TYW1B: variants seen among roughly 807,000 people sequenced by gnomAD.
TYW1B encodes the protein tRNA-yW synthesizing protein 1 homolog B, also known as S-adenosyl-L-methionine-dependent tRNA 4-demethylwyosine synthase TYW1B.
Under a neutral mutation model 86.9 loss-of-function variants are expected in TYW1B, and 73 were observed. That is an observed-to-expected ratio of 0.84 (90% CI 0.70 to 1.02). The LOEUF is 1.02. Ranked by LOEUF, TYW1B falls within the 50% of genes least tolerant of loss-of-function variation. TYW1B has a pLI of 0.00. For missense variants in TYW1B, 637 were observed against 827.4 expected, an observed-to-expected ratio of 0.77 and a Z score of 2.82; for synonymous variants, 248 against 292.8, an observed-to-expected ratio of 0.85 and a Z score of 1.56.
At chr7:72,801,636 T>TA (rs1788404959) in intron 6 of TYW1B, among the ~76,000 whole-genome samples, 1 of 152,176 alleles carries the variant, frequency 6.6e-6, no homozygotes, top group Non-Finnish European at 1.5e-5. Context: ...CTGTTATTTT[T>TA]ATAGTATAGT....
intron 3 of TYW1B, among the ~76,000 whole-genome samples, chr7:72,813,153 C>T (rs1788653542): frequency 6.6e-6 from 1 of 151,550 alleles, no homozygotes; most frequent in Admixed American, 6.6e-5. Context: ...TTGTCAACCC[C>T]AGCTCTACAT....
At chr7:72,702,625 G>T (rs182118758) in intron 10 of TYW1B, among the ~76,000 whole-genome samples, 45 of 152,072 alleles carry the variant, frequency 3.0e-4, no homozygotes, top group African/African-American at 9.6e-4. Context: ...GACCTCAAAT[G>T]ATCCGCCCAC....
chr7:72,700,450 G>A (rs1814438542), intron 10 of TYW1B, among the ~76,000 whole-genome samples: 1 of 152,002 alleles, frequency 6.6e-6, no homozygotes, highest in Non-Finnish European at 1.5e-5. Flanking sequence ...TGGGATTACG[G>A]GTGTAAGCCA....
intron 8 of TYW1B, among the ~76,000 whole-genome samples, chr7:72,731,918 C>A (rs1787119564): frequency 6.6e-6 from 1 of 151,918 alleles, no homozygotes; most frequent in African/African-American, 2.4e-5. Context: ...CCAGCCTGGG[C>A]AACAGAGCAG....
In TYW1B at chr7:72,592,930, A is replaced by C. The variant is rs1192323714; in HGVS notation, c.1786-17211T>G. Among the ~76,000 whole-genome samples, 4 of 152,234 alleles carry C rather than the reference A, an allele frequency of 2.6e-5. No homozygotes were observed. The South Asian group carries it at 8.3e-4, about 32-fold the overall frequency. ...TGATATAATTGAAAGGAGAAATGAC[A>C]ATTCTACAACAATACTCAGAGACTT... is the stretch of plus-strand genomic sequence containing the variant. On this transcript the variant is annotated intron_variant, in intron 13 of 13. Coordinates refer to ENST00000620995, the MANE Select transcript of TYW1B (RefSeq NM_001145440.3).
chr7:72,805,131 C>T (rs2129572558), intron 5 of TYW1B, among the ~76,000 whole-genome samples: 1 of 151,618 alleles, frequency 6.6e-6, no homozygotes, highest in South Asian at 2.1e-4. Context: ...ACAAAGATGC[C>T]AATCCAGTAA....
chr7:72,581,165 G>A (rs1349010157), intron 13 of TYW1B, among the ~76,000 whole-genome samples: 2 of 122,658 alleles, frequency 1.6e-5, no homozygotes, highest in Non-Finnish European at 3.3e-5. Context: ...TCCATGCCCC[G>A]ACAGATGCTT....
At chr7:72,691,025 A>T (rs1814143739) in intron 11 of TYW1B, among the ~76,000 whole-genome samples, 1 of 152,142 alleles carries the variant, frequency 6.6e-6, no homozygotes, top group Non-Finnish European at 1.5e-5. Flanking sequence ...AGTGCTGGGA[A>T]TACCGGCGTG....
At chr7:72,578,337 G>A (rs1314427223) in intron 13 of TYW1B, among the ~76,000 whole-genome samples, 3 of 151,950 alleles carry the variant, frequency 2.0e-5, no homozygotes, top group African/African-American at 4.8e-5. Context: ...GGATGGTCTC[G>A]ATCTCCTGAC....
In TYW1B at chr7:72,703,017, TATATA is replaced by T. The variant is rs1474473805; in HGVS notation, c.1371-8200_1371-8196del. ...ATATATATATATATATATATATATA[TATATA>T]TATATTTTTTTTTTTTTTTTGAGAT... On this transcript the variant is annotated intron_variant, in intron 10 of 13. Transcript: ENST00000620995. Among the ~76,000 whole-genome samples the T allele has an allele frequency of 1.4e-3, 102 of 73,374 alleles. 4 individuals carry two copies. Among genetic ancestry groups the T allele is most frequent in the African/African-American group, 2.0e-3 (30 of 14,830 alleles). The allele number at this position is 73,374 out of a possible 152,430, so 48.1% of individuals were successfully genotyped here.
intron 12 of TYW1B, among the ~76,000 whole-genome samples, chr7:72,618,250 T>C (rs1425489341): frequency 2.0e-5 from 3 of 149,272 alleles, no homozygotes; most frequent in African/African-American, 7.4e-5. Context: ...TTTTTTTTTT[T>C]TTGTTGCCCA....
intron 2 of TYW1B, among the ~76,000 whole-genome samples, chr7:72,822,606 A>G (rs1347060699): frequency 2.0e-5 from 3 of 152,250 alleles, no homozygotes; most frequent in Non-Finnish European, 4.4e-5. Context: ...ATAGTCTTCT[A>G]TACATGACCA....
chr7:72,592,163 A>AAAAAG (rs1811412045), intron 13 of TYW1B, among the ~76,000 whole-genome samples: 1 of 116,876 alleles, frequency 8.6e-6, no homozygotes, highest in African/African-American at 3.3e-5. Context: ...AATGTGTTAA[A>AAAAAG]AAAAAAAAAA....
intron 9 of TYW1B, among the ~76,000 whole-genome samples, chr7:72,725,978 C>A (rs2961002): frequency 6.6e-6 from 1 of 152,104 alleles, no homozygotes; most frequent in Non-Finnish European, 1.5e-5. Flanking sequence ...AAGGAAAATA[C>A]GACTTTGCCT....
rs548197243 is a variant in TYW1B at position 72,760,007 on chromosome 7, A to C, written c.965-15406T>G. Reference sequence around the variant, plus strand: ...TAAAAAGTATGTCTGTCCAGCATATACACACAAAAAAAATCTTGCTTTTTC... The same window carrying C: ...TAAAAAGTATGTCTGTCCAGCATATCCACACAAAAAAAATCTTGCTTTTTC... On this transcript the variant is annotated intron_variant, in intron 7 of 13. Coordinates refer to ENST00000620995, the MANE Select transcript of TYW1B (RefSeq NM_001145440.3). Among the ~76,000 whole-genome samples the C allele has an allele frequency of 4.1e-3, 628 of 151,960 alleles. 3 individuals are homozygous for C. Among genetic ancestry groups the C allele is most frequent in the African/African-American group, 0.014 (595 of 41,222 alleles).
intron 13 of TYW1B, among the ~76,000 whole-genome samples, chr7:72,588,004 G>A (rs1362012198): frequency 3.9e-5 from 6 of 152,236 alleles, no homozygotes; most frequent in Non-Finnish European, 8.8e-5. Context: ...TGTTCTTGCC[G>A]GTTGTAGCTA....
chr7:72,694,294 C>CTG (rs1299943060), intron 11 of TYW1B, among the ~76,000 whole-genome samples: 1 of 152,134 alleles, frequency 6.6e-6, no homozygotes, highest in African/African-American at 2.4e-5. Context: ...ACTTGAGCAT[C>CTG]TGTGGATTTT....
chr7:72,606,098 A>C (rs1215963589), intron 13 of TYW1B, among the ~76,000 whole-genome samples: 2 of 152,194 alleles, frequency 1.3e-5, no homozygotes, highest in African/African-American at 2.4e-5. Context: ...GGATCTGAGG[A>C]ACAACATGGT....
intron 11 of TYW1B, among the ~76,000 whole-genome samples, chr7:72,673,101 G>T (rs1247406670): frequency 6.6e-6 from 1 of 152,188 alleles, no homozygotes; most frequent in Non-Finnish European, 1.5e-5. Flanking sequence ...CCAGGAGGTG[G>T]AGGCTGCAGT....
Sources: gnomAD v4.1 joint callset for allele counts (sites outside exome capture counted in the v4.1 genomes callset) on GRCh38, gnomAD v4.1.1 for gene constraint, MANE v1.5 for transcripts, NCBI Gene and HGNC (gene_info 2026-07-23, HGNC 2026-07-21) for gene names.